Variants in DOP1A observed in about 807,000 individuals in gnomAD.
DOP1A encodes DOP1 leucine zipper like protein A.
DOP1A carries 90 observed loss-of-function variants against 267.6 expected under a neutral mutation model. That is an observed-to-expected ratio of 0.34 (90% CI 0.28 to 0.40). The LOEUF is 0.40. Ranked by LOEUF, DOP1A falls within the 10% of genes least tolerant of loss-of-function variation. DOP1A has a pLI of 1.00. For missense variants in DOP1A, 2,437 were observed against 2,900.4 expected, an observed-to-expected ratio of 0.84 and a Z score of 3.67; for synonymous variants, 932 against 999.1, an observed-to-expected ratio of 0.93 and a Z score of 1.27.
chr6:83,087,015 A>G (rs1769392908), intron 1 of DOP1A, among the ~76,000 whole-genome samples: 1 of 152,188 alleles, frequency 6.6e-6, no homozygotes, highest in South Asian at 2.1e-4. Flanking sequence ...GCCTGAGCTA[A>G]TAGTCCTTGG....
intron 9 of DOP1A, 40 bp from the exon 10 acceptor site, chr6:83,120,643 A>G (rs368164785): frequency 2.8e-6 from 4 of 1,429,932 alleles, no homozygotes; most frequent in African/African-American, 2.8e-5. Flanking sequence ...ATATTTGAAT[A>G]TGTTTACTTA....
intron 15 of DOP1A, among the ~76,000 whole-genome samples, chr6:83,127,085 C>T (rs944228333): frequency 2.6e-5 from 4 of 151,946 alleles, no homozygotes; most frequent in East Asian, 1.9e-4. Context: ...TGCAAAAACC[C>T]GAAAAGACAT....
At chr6:83,170,372 G>C (rs752336134), downstream of DOP1A, 1 of 1,614,140 alleles carries the variant, frequency 6.2e-7, no homozygotes. Context: ...AAAAGCTCGA[G>C]AAAGCTTGTA....
downstream of DOP1A, chr6:83,169,294 C>T (rs1313656273): frequency 6.2e-7 from 1 of 1,613,828 alleles, no homozygotes; most frequent in Non-Finnish European, 8.5e-7. Flanking sequence ...CTGCCAAGCT[C>T]ACTTCATGTG....
intron 34 of DOP1A, 31 bp from the exon 35 acceptor site, chr6:83,157,151 A>G: frequency 6.2e-7 from 1 of 1,601,670 alleles, no homozygotes; most frequent in Non-Finnish European, 8.5e-7. Context: ...AAGATTATTT[A>G]GTTATTGAAA....
chr6:83,111,847 C>T (rs1420384458), intron 6 of DOP1A, among the ~76,000 whole-genome samples: 1 of 152,076 alleles, frequency 6.6e-6, no homozygotes, highest in East Asian at 1.9e-4. Flanking sequence ...GATAGGGTCC[C>T]CTGAAGCAAA....
Position 83,137,763 on chromosome 6 carries a change from A to G in DOP1A, c.3721A>G (p.Ile1241Val), listed in dbSNP as rs904089351. Residue 1241 changes from isoleucine (I) to valine (V), a missense_variant, in exon 21 of 39, where the codon ATT becomes GTT. By Grantham distance (29) the Ile-to-Val change is conservative (BLOSUM62 3). Transcript: ENST00000349129. ...GISRNSSSPCISGTTHTLHDS... is the reference protein window; with the variant it reads ...GISRNSSSPCVSGTTHTLHDS... ...CTCCAGGAATAGCTCCTCACCTTGT[A>G]TTTCAGGAACCACACACACTCTTCA... 17 of 1,613,724 alleles carry G rather than the reference A, an allele frequency of 1.1e-5. No individual in the cohort carries two copies. Among genetic ancestry groups the G allele is most frequent in the African/African-American group, 4.0e-5 (3 of 74,878 alleles).
At chr6:83,085,723 A>G (rs1188311340) in intron 1 of DOP1A, among the ~76,000 whole-genome samples, 1 of 152,216 alleles carries the variant, frequency 6.6e-6, no homozygotes, top group African/African-American at 2.4e-5. Flanking sequence ...AATTAAGACT[A>G]GAAGGTGACC....
At chr6:83,132,150 C>G (rs1220909346) in intron 17 of DOP1A, 26 bp from the exon 18 acceptor site, 1 of 1,593,884 alleles carries the variant, frequency 6.3e-7, no homozygotes, top group East Asian at 2.2e-5. Context: ...GGTATTGTGA[C>G]TGTCACTTTT....
chr6:83,078,544 C>T (rs956804287), intron 1 of DOP1A, among the ~76,000 whole-genome samples: 15 of 152,114 alleles, frequency 9.9e-5, no homozygotes, highest in African/African-American at 3.4e-4. Context: ...CAAATGAAAT[C>T]GCACAAGTAC....
At chr6:83,095,117 G>A (rs1771229580) in intron 1 of DOP1A, among the ~76,000 whole-genome samples, 1 of 152,034 alleles carries the variant, frequency 6.6e-6, no homozygotes, top group African/African-American at 2.4e-5. Context: ...ATTTTTAGTA[G>A]AGACGAGGTT....
intron 1 of DOP1A, among the ~76,000 whole-genome samples, chr6:83,080,849 A>G (rs1017903064): frequency 7.9e-5 from 12 of 152,196 alleles, no homozygotes; most frequent in African/African-American, 2.7e-4. Flanking sequence ...TACAGATTCA[A>G]TACAATTCCT....
At chr6:83,166,739 A>G (rs1785775284) in intron 38 of DOP1A, 74 of 1,138,580 alleles carry the variant, frequency 6.5e-5, no homozygotes, top group Non-Finnish European at 7.9e-5. Context: ...TTGAGAGCAC[A>G]TAGAAGAAAA....
At chr6:83,129,610 T>G in intron 16 of DOP1A, 102 bp downstream of exon 16, 1 of 1,148,450 alleles carries the variant, frequency 8.7e-7, no homozygotes, top group Non-Finnish European at 1.2e-6. Flanking sequence ...GCCAGTTACT[T>G]TTTTTAATGT....
chr6:83,159,691 T>A (rs1057095743), intron 36 of DOP1A, 105 bp from the exon 37 acceptor site: 6 of 1,274,126 alleles, frequency 4.7e-6, no homozygotes, highest in Non-Finnish European at 6.7e-6. Context: ...GGCACATTTA[T>A]CTCAGGATGA....
At chr6:83,104,847 A>G (rs1292419606) in intron 4 of DOP1A, among the ~76,000 whole-genome samples, 1 of 151,288 alleles carries the variant, frequency 6.6e-6, no homozygotes, top group African/African-American at 2.4e-5. Context: ...TTTTTTTTTA[A>G]TTGATCAGTC....
chr6:83,076,151 T>G (rs1767048408), intron 1 of DOP1A, among the ~76,000 whole-genome samples: 1 of 152,112 alleles, frequency 6.6e-6, no homozygotes, highest in Non-Finnish European at 1.5e-5. Context: ...AACAACAAAG[T>G]AACTGAATTT....
chr6:83,170,206 G>A (rs1786802355), downstream of DOP1A: 2 of 1,086,924 alleles, frequency 1.8e-6, no homozygotes, highest in Non-Finnish European at 2.7e-6. Context: ...ACAAAATAAA[G>A]CCTTAATCAT....
rs929826162 is a variant in DOP1A, at chr6:83,139,184, T to G, written c.5120+22T>G. 8 of 1,561,362 alleles carry G rather than the reference T, an allele frequency of 5.1e-6. No homozygotes were observed. In the East Asian group the frequency reaches 6.7e-5, roughly 13 times the overall value. ...GTAGGTAAGAGGTGATTTTTAACTT[T>G]ATTGGTACTGACATTTTTCACATAT... On this transcript the variant is annotated intron_variant, in intron 21 of 38. Coordinates refer to ENST00000349129, the MANE Select transcript of DOP1A (RefSeq NM_015018.4).
Sources: allele counts gnomAD v4.1 joint callset (sites outside exome capture counted in the v4.1 genomes callset), GRCh38; gene constraint gnomAD v4.1.1; transcripts MANE v1.5; gene names NCBI Gene and HGNC (gene_info 2026-07-23, HGNC 2026-07-21).